HSDL2: variants seen among roughly 807,000 people sequenced by gnomAD.
HSDL2 encodes hydroxysteroid dehydrogenase like 2, also known as hydroxysteroid dehydrogenase-like protein 2.
HSDL2 carries 27 observed loss-of-function variants against 46.3 expected under a neutral mutation model. The observed-to-expected ratio is 0.58, with a 90% CI of 0.43 to 0.80. The LOEUF is 0.80. Ranked by LOEUF, HSDL2 falls within the 30% of genes least tolerant of loss-of-function variation. HSDL2 has a pLI of 0.00. For missense variants in HSDL2, 451 were observed against 502.7 expected (o/e 0.90, Z 0.98); for synonymous variants, 153 against 163.6 (o/e 0.94, Z 0.50).
intron 8 of HSDL2, 72 bp from the exon 9 acceptor site, chr9:112,453,941 T>G: frequency 2.2e-6 from 2 of 917,198 alleles, no homozygotes; most frequent in Non-Finnish European, 3.0e-6. Context: ...TCTGTCCTGC[T>G]GATTAATTAA....
chr9:112,432,749 A>G (rs1256742520), intron 6 of HSDL2, among the ~76,000 whole-genome samples: 2 of 152,104 alleles, frequency 1.3e-5, no homozygotes, highest in Non-Finnish European at 2.9e-5. Flanking sequence ...GCATGGTATG[A>G]TGAATTATGT....
intron 8 of HSDL2, among the ~76,000 whole-genome samples, chr9:112,445,690 A>G (rs1359455351): frequency 2.0e-5 from 3 of 151,980 alleles, no homozygotes; most frequent in Non-Finnish European, 4.4e-5. Context: ...ATGCCCGGCT[A>G]ATTTTGTATT....
At chr9:112,434,739 A>G (rs1832484498) in intron 6 of HSDL2, among the ~76,000 whole-genome samples, 1 of 152,206 alleles carries the variant, frequency 6.6e-6, no homozygotes, top group African/African-American at 2.4e-5. Flanking sequence ...GAGTCATCAC[A>G]GGCAATGCTG....
intron 1 of HSDL2, among the ~76,000 whole-genome samples, chr9:112,388,480 A>G (rs1220379665): frequency 7.7e-6 from 1 of 129,144 alleles, no homozygotes; most frequent in Non-Finnish European, 1.7e-5. Context: ...AAAAAAAAAA[A>G]TACGCCAGGT....
At chr9:112,464,225 G>GACACAC (rs756529908) in intron 10 of HSDL2, among the ~76,000 whole-genome samples, 7 of 4,828 alleles carry the variant, frequency 1.4e-3, no homozygotes, top group Admixed American at 4.1e-3. Flanking sequence ...CACACACACA[G>GACACAC]ACACACACAC....
intron 9 of HSDL2, among the ~76,000 whole-genome samples, chr9:112,455,897 G>A (rs3843824): frequency 0.51 from 77,324 of 151,954 alleles, 19,812 homozygotes; most frequent in South Asian, 0.59. Flanking sequence ...GTAGAATGGA[G>A]CTCAGCTCTC....
In HSDL2 at chr9:112,459,185, T is replaced by G. The variant is rs1040981982; in HGVS notation, c.1016-264T>G. Among the ~76,000 whole-genome samples the G allele has an allele frequency of 1.6e-4, 24 of 152,180 alleles. 1 individual carries two copies. The highest frequency in any genetic ancestry group is 3.2e-3 in the Middle Eastern group (1 of 316). On this transcript the variant is annotated intron_variant, in intron 9 of 10. Coordinates refer to ENST00000398805, the MANE Select transcript of HSDL2 (RefSeq NM_032303.5). ...TATGAGTTTTCTTCCTCTGGTTATCTTGATTCCTTAATGTGCTCCCACATC... is the reference window on the plus strand; with the variant it reads ...TATGAGTTTTCTTCCTCTGGTTATCGTGATTCCTTAATGTGCTCCCACATC...
intron 6 of HSDL2, among the ~76,000 whole-genome samples, chr9:112,429,975 C>T: frequency 6.6e-6 from 1 of 151,826 alleles, no homozygotes; most frequent in Non-Finnish European, 1.5e-5. Context: ...CCCAACTACT[C>T]AGGGGGCTGA....
intron 6 of HSDL2, among the ~76,000 whole-genome samples, chr9:112,437,887 T>C (rs188018861): frequency 6.6e-6 from 1 of 152,346 alleles, no homozygotes; most frequent in Non-Finnish European, 1.5e-5. Flanking sequence ...GTTTGGTCTG[T>C]AGTATAAGGC....
chr9:112,460,708 C>T (rs184119323), intron 10 of HSDL2, among the ~76,000 whole-genome samples: 3 of 151,028 alleles, frequency 2.0e-5, no homozygotes, highest in Admixed American at 6.7e-5. Flanking sequence ...ATAACACCAC[C>T]GCACTCCAGC....
intron 1 of HSDL2, among the ~76,000 whole-genome samples, chr9:112,390,886 A>G (rs1831326765): frequency 3.3e-5 from 5 of 152,070 alleles, no homozygotes; most frequent in Admixed American, 3.3e-4. Context: ...TCTTTAACAA[A>G]TTTTCTAGGC....
chr9:112,414,470 C>A (rs1371812864), intron 4 of HSDL2, among the ~76,000 whole-genome samples: 1 of 152,028 alleles, frequency 6.6e-6, no homozygotes, highest in Non-Finnish European at 1.5e-5. Flanking sequence ...AAGTGTGGTG[C>A]TAAGAGTTTT....
chr9:112,389,411 T>C (rs180891048), intron 1 of HSDL2, among the ~76,000 whole-genome samples: 2 of 152,282 alleles, frequency 1.3e-5, no homozygotes, highest in Non-Finnish European at 1.5e-5. Context: ...GCTAAATCAT[T>C]GGGGTAAAAT....
intron 1 of HSDL2, among the ~76,000 whole-genome samples, chr9:112,399,141 G>C (rs1280436233): frequency 6.6e-6 from 1 of 152,200 alleles, no homozygotes. Flanking sequence ...TCTATTTTCT[G>C]TGTCAGCTAG....
At chr9:112,450,254 A>ACCCCCCCCCCCCCCCCCCCCCCCC (rs751543667) in intron 8 of HSDL2, among the ~76,000 whole-genome samples, 1 of 17,774 alleles carries the variant, frequency 5.6e-5, no homozygotes, top group Admixed American at 5.8e-4. Context: ...ACATAGCGAG[A>ACCCCCCCCCCCCCCCCCCCCCCCC]CCCCCCCCCC....
At chr9:112,439,271 T>C (rs938887659) in intron 7 of HSDL2, among the ~76,000 whole-genome samples, 1 of 152,216 alleles carries the variant, frequency 6.6e-6, no homozygotes, top group African/African-American at 2.4e-5. Flanking sequence ...GTGTTAGGAT[T>C]ACAGGCGTGA....
rs1387287602 is a variant in HSDL2, at chr9:112,418,996, T to C, written c.598+38T>C. On this transcript the variant is annotated intron_variant, in intron 6 of 10. Coordinates refer to ENST00000398805, the MANE Select transcript of HSDL2 (RefSeq NM_032303.5). ...AAAAACTTCATTTGTTAGATTTTCA[T>C]GTATTGTCCTTGACACTTATTATTA... 4 of 1,069,604 alleles carry C rather than the reference T, an allele frequency of 3.7e-6. No individual in the cohort carries two copies. The African/African-American group carries it at 6.3e-5, about 17-fold the overall frequency. 66.3% of individuals were successfully genotyped at this position (1,069,604 alleles called of 1,614,324 possible).
intron 8 of HSDL2, among the ~76,000 whole-genome samples, chr9:112,443,551 G>C (rs989517888): frequency 6.6e-6 from 1 of 152,058 alleles, no homozygotes; most frequent in Non-Finnish European, 1.5e-5. Context: ...AACATGGTGA[G>C]ACCCTGTCTC....
chr9:112,404,262 C>A, intron 2 of HSDL2, 104 bp downstream of exon 2: 2 of 1,103,240 alleles, frequency 1.8e-6, no homozygotes, highest in Non-Finnish European at 2.6e-6. Flanking sequence ...CTACCCTGAA[C>A]ATAATTTTAT....
Sources: allele counts gnomAD v4.1 joint callset (sites outside exome capture counted in the v4.1 genomes callset), GRCh38; gene constraint gnomAD v4.1.1; transcripts MANE v1.5; gene names NCBI Gene and HGNC (gene_info 2026-07-23, HGNC 2026-07-21).